The following MBD5 variants were observed in gnomAD, a reference collection of about 807,000 sequenced individuals.
The protein encoded by MBD5 is methyl-CpG binding domain protein 5, also known as methyl-CpG-binding domain protein 5.
In MBD5, 13 loss-of-function variants were observed where a neutral mutation model predicts 117.3. The observed-to-expected ratio is 0.11, with a 90% confidence interval of 0.07 to 0.18. The LOEUF is 0.18. Ranked by LOEUF, MBD5 falls within the 10% of genes least tolerant of loss-of-function variation. MBD5 has a pLI of 1.00. For missense variants in MBD5, 1,879 were observed against 2,093.8 expected, an observed-to-expected ratio of 0.90 and a Z score of 2.00; for synonymous variants, 727 against 766.4, an observed-to-expected ratio of 0.95 and a Z score of 0.85.
At chr2:148,414,510 T>C (rs567492831) in intron 4 of MBD5, among the ~76,000 whole-genome samples, 80 of 152,292 alleles carry the variant, frequency 5.3e-4, no homozygotes, top group Middle Eastern at 6.8e-3. Context: ...AGGTCCCAGA[T>C]ATCTTTTTTA....
At chr2:148,130,606 C>T (rs1039761800) in intron 1 of MBD5, among the ~76,000 whole-genome samples, 4 of 151,282 alleles carry the variant, frequency 2.6e-5, no homozygotes, top group African/African-American at 7.3e-5. Flanking sequence ...TCTCACAGAC[C>T]GGTTAAATTA....
chr2:148,496,170 C>T (rs1405667361), intron 11 of MBD5, among the ~76,000 whole-genome samples: 1 of 152,192 alleles, frequency 6.6e-6, no homozygotes, highest in African/African-American at 2.4e-5. Flanking sequence ...ATCCACAATA[C>T]TTGGGTTGCA....
At chr2:148,371,768 G>C (rs1205110749) in intron 4 of MBD5, among the ~76,000 whole-genome samples, 1 of 152,078 alleles carries the variant, frequency 6.6e-6, no homozygotes, top group East Asian at 1.9e-4. Flanking sequence ...CAAAGTAGTA[G>C]CTCCATCAGG....
intron 4 of MBD5, among the ~76,000 whole-genome samples, chr2:148,405,792 A>G (rs1204824345): frequency 3.3e-5 from 5 of 152,102 alleles, no homozygotes; most frequent in Non-Finnish European, 4.4e-5. Flanking sequence ...AAAGTAAATT[A>G]ATAACTTCAA....
At chr2:148,275,855 T>C (rs532568956) in intron 3 of MBD5, among the ~76,000 whole-genome samples, 2 of 152,296 alleles carry the variant, frequency 1.3e-5, no homozygotes, top group South Asian at 4.1e-4. Context: ...ATCACCTGTT[T>C]GCTGCTTACA....
rs1680665809 is a variant in MBD5, at chr2:148,468,478, G to C, written c.535G>C (p.Gly179Arg). The C allele has an allele frequency of 1.2e-6, 2 of 1,613,684 alleles. No homozygotes were observed. The highest frequency in any genetic ancestry group is 1.7e-6 in the Non-Finnish European group (2 of 1,179,840). ...KLMIGSSNAMGRLYVQELPGS... is the reference protein window; with the variant it reads ...KLMIGSSNAMRRLYVQELPGS... ...AATGATTGGATCATCAAATGCCATG[G>C]GAAGGCTATATGTACAAGAACTGCC... Residue 179 changes from glycine (G) to arginine (R), a missense_variant, in exon 8 of 14, where the codon GGA (glycine) becomes CGA (arginine). Physicochemically the swap from Gly to Arg is moderately radical, Grantham distance 125. This residue lies in a region of MBD5 where 1,666 missense variants were observed against 1,792.2 expected (regional missense o/e 0.93). Transcript: ENST00000642680.
At chr2:148,350,788 T>C (rs1050719159) in intron 4 of MBD5, among the ~76,000 whole-genome samples, 8 of 152,064 alleles carry the variant, frequency 5.3e-5, no homozygotes, top group African/African-American at 1.7e-4. Context: ...GTTCTTCCAG[T>C]AACTGTCTGC....
intron 4 of MBD5, among the ~76,000 whole-genome samples, chr2:148,403,388 C>G (rs1444437598): frequency 6.6e-6 from 1 of 152,074 alleles, no homozygotes; most frequent in Non-Finnish European, 1.5e-5. Context: ...CCATGTTGGC[C>G]AGGCTGGTCT....
Position 148,118,701 on chromosome 2 carries a change from G to C in MBD5, c.-924-59999G>C, listed in dbSNP as rs578165220. On this transcript the variant is annotated intron_variant, in intron 1 of 13. Transcript: ENST00000642680. ...CCATTCTCCTCTGACCCTACTCCCA[G>C]CTCTAGGCAATCACTAATCTGTTGT... Among the ~76,000 whole-genome samples, 7 of 152,122 alleles carry C rather than the reference G, an allele frequency of 4.6e-5. No homozygotes were observed. The South Asian group carries it at 1.5e-3, about 32-fold the overall frequency.
chr2:148,061,303 C>A (rs1695028346), intron 1 of MBD5, among the ~76,000 whole-genome samples: 1 of 151,984 alleles, frequency 6.6e-6, no homozygotes, highest in South Asian at 2.1e-4. Flanking sequence ...GTGGCCATTT[C>A]TTTTTTTCTT....
chr2:148,063,317 A>G (rs1695091114), intron 1 of MBD5, among the ~76,000 whole-genome samples: 1 of 152,164 alleles, frequency 6.6e-6, no homozygotes, highest in South Asian at 2.1e-4. Flanking sequence ...AAAAACATCC[A>G]AATTTTAATT....
At chr2:148,143,049 A>G (rs761489108) in intron 1 of MBD5, among the ~76,000 whole-genome samples, 10 of 152,208 alleles carry the variant, frequency 6.6e-5, no homozygotes, top group Non-Finnish European at 1.3e-4. Context: ...ATACGGATGC[A>G]AAAGAGCTAA....
intron 8 of MBD5, 27 bp downstream of exon 8, chr2:148,470,488 C>G: frequency 6.5e-7 from 1 of 1,542,000 alleles, no homozygotes; most frequent in East Asian, 2.3e-5. Context: ...AAAAAGTACC[C>G]AAAGGTACTA....
intron 1 of MBD5, among the ~76,000 whole-genome samples, chr2:148,123,999 G>A (rs1273342785): frequency 6.6e-6 from 1 of 152,166 alleles, no homozygotes; most frequent in Admixed American, 6.5e-5. Context: ...AAAAATCACT[G>A]CAGGTCACTG....
At chr2:148,319,465 C>T (rs894801283) in intron 3 of MBD5, among the ~76,000 whole-genome samples, 1 of 152,066 alleles carries the variant, frequency 6.6e-6, no homozygotes, top group African/African-American at 2.4e-5. Flanking sequence ...ATAGAGATAT[C>T]TCACCTTGGT....
At chr2:148,362,779 C>G in intron 4 of MBD5, among the ~76,000 whole-genome samples, 1 of 152,160 alleles carries the variant, frequency 6.6e-6, no homozygotes, top group East Asian at 1.9e-4. Context: ...GACAAAGATT[C>G]CAGAGGAAGG....
At chr2:148,273,081 GTTTC>G in intron 3 of MBD5, among the ~76,000 whole-genome samples, 1 of 151,970 alleles carries the variant, frequency 6.6e-6, no homozygotes, top group East Asian at 1.9e-4. Context: ...ATTTCTCTTT[GTTTC>G]TTTATTGTCT....
chr2:148,303,942 AG>A (rs2106491345), intron 3 of MBD5, among the ~76,000 whole-genome samples: 1 of 152,342 alleles, frequency 6.6e-6, no homozygotes, highest in Non-Finnish European at 1.5e-5. Context: ...AAACCTTTAA[AG>A]TAATGAGGGG....
rs370548114 is a variant in MBD5, at chr2:148,490,634, T to C, written c.4962+40T>C. On this transcript the variant is annotated intron_variant, in intron 11 of 13. Transcript: ENST00000642680. The stretch of plus-strand genomic sequence containing the variant: ...ATCCATTGTCAAATACTAACCTTTG[T>C]TCAGATATCAATTATTGCTTTTTGT... 7.4e-6 allele frequency: 12 copies of C among 1,610,784 alleles called. No individual in the cohort carries two copies. In the African/African-American group the frequency reaches 1.6e-4, roughly 22 times the overall value.
Sources: allele counts gnomAD v4.1 joint callset (sites outside exome capture counted in the v4.1 genomes callset), GRCh38; gene constraint gnomAD v4.1.1; regional missense constraint gnomAD v4.1.1; transcripts MANE v1.5; gene names NCBI Gene and HGNC (gene_info 2026-07-23, HGNC 2026-07-21).